The following MAST3 variants were observed in gnomAD, a reference collection of about 807,000 sequenced individuals.
The protein encoded by MAST3 is microtubule-associated serine/threonine-protein kinase 3.
A neutral mutation model predicts 127.0 loss-of-function variants in MAST3; 43 were observed. That is an observed-to-expected ratio of 0.34 (90% CI 0.27 to 0.44). MAST3 has a LOEUF of 0.44. Among genes scored for constraint, MAST3 ranks in the 20% least tolerant of loss-of-function variants. MAST3 has a pLI of 1.00. For missense variants in MAST3, 1,390 were observed against 1,919.1 expected (o/e 0.72, Z 5.15); for synonymous variants, 785 against 809.2 (o/e 0.97, Z 0.51).
chr19:18,123,837 GC>G, intron 8 of MAST3, 101 bp from the exon 9 acceptor site: 1 of 1,112,190 alleles, frequency 9.0e-7, no homozygotes, highest in Non-Finnish European at 1.3e-6. Context: ...TCGCCCCATT[GC>G]CCCATCTCCT....
chr19:18,114,016 C>T (rs749081721), intron 3 of MAST3, among the ~76,000 whole-genome samples: 18 of 152,182 alleles, frequency 1.2e-4, no homozygotes, highest in Non-Finnish European at 2.2e-4. Context: ...CTTGCTGTCC[C>T]CACTGCCCAG....
intron 11 of MAST3, 73 bp from the exon 12 acceptor site, chr19:18,128,327 G>C: frequency 8.0e-7 from 1 of 1,256,308 alleles, no homozygotes; most frequent in Non-Finnish European, 1.1e-6. Context: ...AACTCTAGAG[G>C]CCTCAGGAAA....
Position 18,130,708 on chromosome 19 carries a change from C to T in MAST3, c.1432+6C>T, listed in dbSNP as rs1891270810. The stretch of plus-strand genomic sequence containing the variant: ...GGTCATGGAATACGTGGAAGGTACG[C>T]TCACTGGGGCTTGCATGCCTCCAGC... On this transcript the variant is annotated splice_donor_region_variant and intron_variant, in intron 14 of 27. Transcript: ENST00000687212. 1 of 1,612,098 alleles carries T rather than the reference C, an allele frequency of 6.2e-7. No individual in the cohort carries two copies. The highest frequency in any genetic ancestry group is 8.5e-7 in the Non-Finnish European group (1 of 1,178,962).
At chr19:18,135,657 G>A in intron 17 of MAST3, 83 bp from the exon 18 acceptor site, 1 of 1,050,592 alleles carries the variant, frequency 9.5e-7, no homozygotes, top group South Asian at 1.5e-5. Flanking sequence ...ACAGTGAAGT[G>A]AGGGGAAATG....
chr19:18,110,698 C>T lies in MAST3; in HGVS notation c.118C>T (p.Pro40Ser). Residue 40 changes from proline (P) to serine (S), a missense_variant, in exon 3 of 28, where the codon CCC becomes TCC. This residue lies in a region of MAST3 where 61 missense variants were observed against 78.2 expected (regional missense o/e 0.78). Coordinates refer to ENST00000687212, the MANE Select transcript of MAST3 (RefSeq NM_001393504.1). The surrounding 1 kb of genome is among the most constrained non-coding windows in gnomAD (Gnocchi z 4.3). ...QSPSLLGPSSPCSPCSPSLGL... is the reference protein window; with the variant it reads ...QSPSLLGPSSSCSPCSPSLGL... ...CCCGTCCCTGCTGGGTCCCAGCAGC[C>T]CCTGCAGCCCCTGTAGCCCCTCCTT... 9.1e-6 allele frequency: 9 copies of T among 985,916 alleles called. No individual in the cohort carries two copies. The highest frequency in any genetic ancestry group is 1.1e-5 in the Non-Finnish European group (9 of 829,994). 61.1% of individuals were successfully genotyped at this position (985,916 alleles called of 1,614,324 possible). A position where few individuals can be genotyped will look rare whatever the true frequency, so the allele number is the denominator to read the frequency against.
chr19:18,100,392 C>G (rs1163193262), intron 1 of MAST3, among the ~76,000 whole-genome samples: 1 of 151,916 alleles, frequency 6.6e-6, no homozygotes, highest in East Asian at 1.9e-4. Context: ...TCCCAAAGTG[C>G]TAGAATTACA....
intron 19 of MAST3, among the ~76,000 whole-genome samples, chr19:18,138,706 C>T (rs576557175): frequency 6.6e-6 from 1 of 152,132 alleles, no homozygotes; most frequent in East Asian, 1.9e-4. Context: ...ACCATGTTGG[C>T]CAGGCTGGTC....
chr19:18,140,471 G>A (rs1297238890), intron 20 of MAST3, among the ~76,000 whole-genome samples: 3 of 152,150 alleles, frequency 2.0e-5, no homozygotes, highest in East Asian at 3.9e-4. Context: ...GCTCTCAAAT[G>A]TTTGATTCCC....
At chr19:18,098,388 C>T (rs1471065764) in intron 1 of MAST3, among the ~76,000 whole-genome samples, 1 of 152,154 alleles carries the variant, frequency 6.6e-6, no homozygotes, top group African/African-American at 2.4e-5. Flanking sequence ...CGCCCTCAAC[C>T]AGCTCTCTTA....
At chr19:18,141,377 C>CTTTTTTTTTT (rs370099564) in intron 20 of MAST3, among the ~76,000 whole-genome samples, 1,992 of 122,686 alleles carry the variant, frequency 0.016, 138 homozygotes, top group African/African-American at 0.045. Context: ...AGCCAGCTTT[C>CTTTTTTTTTT]TTTTTTTTTT....
At chr19:18,134,745 G>GCCT (rs756694444) in intron 16 of MAST3, 34 bp downstream of exon 16, 16 of 1,613,080 alleles carry the variant, frequency 9.9e-6, no homozygotes, top group Admixed American at 3.3e-5. Context: ...GCCCCGGGAT[G>GCCT]CCTCCTCCTC....
Position 18,110,682 on chromosome 19 carries a change from G to C in MAST3, c.102G>C (p.Leu34=). 2.0e-6 allele frequency: 2 copies of C among 985,924 alleles called. No individual in the cohort carries two copies. The highest frequency in any genetic ancestry group is 2.4e-6 in the Non-Finnish European group (2 of 830,000). 61.1% of individuals were successfully genotyped at this position (985,924 alleles called of 1,614,324 possible). ...CTCCGAGCAGCCAGAGCCCGTCCCT[G>C]CTGGGTCCCAGCAGCCCCTGCAGCC... ...GLSPSSQSPS[L]LGPSSPCSPC... The change falls in exon 3 of 28, where the codon CTG becomes CTC. Residue 34 remains leucine, a synonymous_variant. Coordinates refer to ENST00000687212, the MANE Select transcript of MAST3 (RefSeq NM_001393504.1). This position sits in a 1 kb window ranked among gnomAD's most constrained non-coding sequence, Gnocchi z 4.3.
chr19:18,105,617 G>A (rs1388735996), intron 1 of MAST3, among the ~76,000 whole-genome samples: 2 of 151,328 alleles, frequency 1.3e-5, no homozygotes, highest in African/African-American at 4.9e-5. Context: ...AGGTTGCAGC[G>A]AGCCGAGATT....
chr19:18,104,094 C>T (rs1385664097), intron 1 of MAST3, among the ~76,000 whole-genome samples: 1 of 143,298 alleles, frequency 7.0e-6, no homozygotes, highest in African/African-American at 2.6e-5. Context: ...TGCCCACAAT[C>T]CCAGCTACTC....
chr19:18,100,986 C>T (rs2037557906), intron 1 of MAST3, among the ~76,000 whole-genome samples: 1 of 152,184 alleles, frequency 6.6e-6, no homozygotes, highest in Admixed American at 6.5e-5. Flanking sequence ...AAGGATCCGG[C>T]CTGGCCCGCG....
At chr19:18,147,664 G>A in intron 27 of MAST3, 40 bp downstream of exon 27, 1 of 1,412,072 alleles carries the variant, frequency 7.1e-7, no homozygotes, top group African/African-American at 1.4e-5. Context: ...GGCTACCCTG[G>A]GAGCAAGGGC....
intron 3 of MAST3, among the ~76,000 whole-genome samples, chr19:18,121,211 T>C (rs1266713022): frequency 1.3e-5 from 2 of 152,012 alleles, no homozygotes; most frequent in Non-Finnish European, 2.9e-5. Flanking sequence ...GCTGGAGTGC[T>C]GTGGCACCAT....
intron 27 of MAST3, among the ~76,000 whole-genome samples, chr19:18,148,301 CAA>C (rs199899302): frequency 6.9e-6 from 1 of 144,030 alleles, no homozygotes. Flanking sequence ...AACTCCATCT[CAA>C]AAAAAAAAAT....
At chr19:18,132,957 G>A (rs1428843191) in intron 15 of MAST3, among the ~76,000 whole-genome samples, 1 of 152,202 alleles carries the variant, frequency 6.6e-6, no homozygotes, top group African/African-American at 2.4e-5. Flanking sequence ...ACAAAAATCA[G>A]CTGGGAGTGG....
Sources: gnomAD v4.1 joint callset for allele counts (sites outside exome capture counted in the v4.1 genomes callset) on GRCh38, gnomAD v4.1.1 for gene constraint, gnomAD v4.1.1 regional missense constraint, Gnocchi (gnomAD v3.1) non-coding constraint, MANE v1.5 for transcripts, NCBI Gene and HGNC (gene_info 2026-07-23, HGNC 2026-07-21) for gene names.